The following MED30 variants were observed in gnomAD, a reference collection of about 807,000 sequenced individuals.
MED30 encodes the protein mediator complex subunit 30, also known as mediator of RNA polymerase II transcription subunit 30.
Under a neutral mutation model 21.7 loss-of-function variants are expected in MED30, and 8 were observed. That is an observed-to-expected ratio of 0.37 (90% CI 0.22 to 0.67). The LOEUF (loss-of-function observed/expected upper bound fraction) is 0.67, where lower values mean the gene tolerates loss of function less well. Among genes scored for constraint, MED30 ranks in the 30% least tolerant of loss-of-function variants. The pLI is 0.58. For synonymous variants in MED30, 79 were observed against 86.7 expected (o/e 0.91, Z 0.49); for missense variants, 203 against 228.2 (o/e 0.89, Z 0.71).
Position 117,520,945 on chromosome 8 carries a change from G to A in MED30, c.69G>A (p.Gln23=), listed in dbSNP as rs766710838. ...CCTTCGCCGGGCCCCAGGCTCAGCAGGCCGCCCGGGAAGTCAACACGGCGT... is the reference window on the plus strand; with the variant it reads ...CCTTCGCCGGGCCCCAGGCTCAGCAAGCCGCCCGGGAAGTCAACACGGCGT... ...PGPFAGPQAQ[Q]AAREVNTASL... Residue 23 remains glutamine (Q), a synonymous_variant, in exon 1 of 4, where the codon CAG becomes CAA. Coordinates refer to ENST00000297347, the MANE Select transcript of MED30 (RefSeq NM_080651.4). The A allele has an allele frequency of 5.1e-5, 82 of 1,612,312 alleles. No individual in the cohort carries two copies. The highest frequency in any genetic ancestry group is 6.6e-5 in the Non-Finnish European group (78 of 1,179,278).
At position 117,521,043 on chromosome 8, in the gene MED30, G is replaced by A. The variant is rs1818606323; in HGVS notation, c.167G>A (p.Arg56Lys). The A allele has an allele frequency of 6.3e-7, 1 of 1,585,806 alleles. No individual in the cohort carries two copies. The highest frequency in any genetic ancestry group is 1.1e-5 in the South Asian group (1 of 89,660). The part of the protein sequence containing the change: ...YRTMEIFQLL[R>K]NMQLPNGVTY... The stretch of plus-strand genomic sequence containing the variant: ...ACCATGGAGATCTTCCAGCTCCTGA[G>A]GAACATGCAGGTAGGAAGGCGGGCG... Residue 56 changes from arginine (R) to lysine (K), a missense_variant, in exon 1 of 4, where the codon AGG becomes AAG. Transcript: ENST00000297347.
At chr8:117,530,112 C>T (rs759875393) in intron 2 of MED30, among the ~76,000 whole-genome samples, 3 of 151,924 alleles carry the variant, frequency 2.0e-5, no homozygotes, top group South Asian at 2.1e-4. Flanking sequence ...TACTTAATTA[C>T]GATTCTGCTA....
At chr8:117,530,664 A>G in intron 2 of MED30, 59 bp from the exon 3 acceptor site, 1 of 1,205,280 alleles carries the variant, frequency 8.3e-7, no homozygotes, top group South Asian at 1.3e-5. Flanking sequence ...TTCTCTATAC[A>G]AGTGATTAGA....
rs1818951727 is a variant in MED30, at chr8:117,539,966, A to G, written c.525A>G (p.Ala175=). 2 of 1,595,508 alleles carry G rather than the reference A, an allele frequency of 1.3e-6. No homozygotes were observed. The highest frequency in any genetic ancestry group is 2.2e-5 in the East Asian group (1 of 44,470). ...TCTGGGATATAAATGCCATGTTGGC[A>G]ATGAGGAACTAAGCTGATATTTAAA... The part of the protein sequence containing the change: ...NLIWDINAML[A]MRN The change falls in exon 4 of 4, where the codon GCA becomes GCG. Residue 175 remains alanine (A), a synonymous_variant. Transcript: ENST00000297347.
chr8:117,521,107 T>C (rs1586857983), intron 1 of MED30, 54 bp downstream of exon 1: 2 of 1,492,270 alleles, frequency 1.3e-6, no homozygotes, highest in African/African-American at 2.8e-5. Flanking sequence ...GGAAAGGGCC[T>C]CTGGTTTCCT....
chr8:117,523,717 G>C (rs1818671373), intron 1 of MED30: 1 of 1,508,032 alleles, frequency 6.6e-7, no homozygotes, highest in Non-Finnish European at 9.1e-7. Context: ...TCCTTAAAAA[G>C]GAGTTCATAG....
intron 3 of MED30, among the ~76,000 whole-genome samples, chr8:117,539,189 G>T (rs1818935583): frequency 1.3e-5 from 2 of 152,160 alleles, no homozygotes; most frequent in Non-Finnish European, 2.9e-5. Context: ...GGTCAGTGTT[G>T]TAAGTTTCAT....
chr8:117,536,880 C>T (rs1285568079), intron 3 of MED30, among the ~76,000 whole-genome samples: 1 of 152,122 alleles, frequency 6.6e-6, no homozygotes, highest in African/African-American at 2.4e-5. Context: ...CACATATAAA[C>T]TATACTAACA....
rs184752807 is a variant in MED30, at chr8:117,537,380, A to T, written c.442-2503A>T. 3.3e-5 allele frequency among the ~76,000 whole-genome samples: 5 copies of T among 152,260 alleles called. No homozygotes were observed. The East Asian group carries it at 7.7e-4, about 24-fold the overall frequency. ...ATTAAATCCTATATCGTGTCATGAA[A>T]ATTTATTTACACTTTAGCCTCTAAT... On this transcript the variant is annotated intron_variant, in intron 3 of 3. Transcript: ENST00000297347.
chr8:117,531,481 T>G (rs1294416186), intron 3 of MED30, among the ~76,000 whole-genome samples: 1 of 151,960 alleles, frequency 6.6e-6, no homozygotes, highest in African/African-American at 2.4e-5. Context: ...TAATTCTAAT[T>G]AATAGAACTC....
intron 1 of MED30, chr8:117,523,855 A>T: frequency 2.2e-6 from 1 of 451,316 alleles, no homozygotes; most frequent in East Asian, 4.0e-5. Context: ...AAAAATACAA[A>T]AATTAGCCGG....
intron 3 of MED30, 116 bp downstream of exon 3, chr8:117,530,943 C>T (rs563832022): frequency 1.2e-4 from 89 of 717,964 alleles, no homozygotes; most frequent in African/African-American, 9.5e-4. Context: ...GTTGTTTCTG[C>T]GGCAAACTTC....
chr8:117,533,064 G>T (rs1818813095), intron 3 of MED30, among the ~76,000 whole-genome samples: 1 of 151,942 alleles, frequency 6.6e-6, no homozygotes, highest in Admixed American at 6.6e-5. Flanking sequence ...AGTACCACAT[G>T]TGTAACTAAT....
At chr8:117,530,860 G>A in intron 3 of MED30, 33 bp downstream of exon 3, 1 of 1,484,960 alleles carries the variant, frequency 6.7e-7, no homozygotes, top group East Asian at 2.3e-5. Context: ...TTATGTTTTA[G>A]AGTTATTGAT....
At chr8:117,530,032 C>T (rs1203282150) in intron 2 of MED30, among the ~76,000 whole-genome samples, 3 of 151,978 alleles carry the variant, frequency 2.0e-5, no homozygotes, top group African/African-American at 7.2e-5. Context: ...TGGTAATACA[C>T]GATGGTAAAG....
intron 3 of MED30, among the ~76,000 whole-genome samples, chr8:117,539,645 A>C (rs542140826): frequency 6.6e-6 from 1 of 152,318 alleles, no homozygotes; most frequent in South Asian, 2.1e-4. Flanking sequence ...TGGAAGAGTA[A>C]GCAGGGCCTG....
intron 1 of MED30, among the ~76,000 whole-genome samples, chr8:117,524,825 G>T (rs1818694811): frequency 6.6e-6 from 1 of 151,810 alleles, no homozygotes; most frequent in Admixed American, 6.6e-5. Context: ...CGCCTTTTTT[G>T]CACAGATAAT....
intron 2 of MED30, among the ~76,000 whole-genome samples, chr8:117,529,947 T>G (rs1335589067): frequency 1.3e-5 from 2 of 151,900 alleles, no homozygotes; most frequent in African/African-American, 2.4e-5. Context: ...TTTATATATA[T>G]CCCAAGAATT....
intron 2 of MED30, among the ~76,000 whole-genome samples, chr8:117,529,332 C>A (rs1434652223): frequency 6.6e-6 from 1 of 151,708 alleles, no homozygotes; most frequent in Non-Finnish European, 1.5e-5. Flanking sequence ...TTCCTGTTGA[C>A]AAATTATATC....
Sources: allele counts gnomAD v4.1 joint callset (sites outside exome capture counted in the v4.1 genomes callset), GRCh38; gene constraint gnomAD v4.1.1; transcripts MANE v1.5; gene names NCBI Gene and HGNC (gene_info 2026-07-23, HGNC 2026-07-21).